Variants in CDON observed in about 807,000 individuals in gnomAD.
The protein encoded by CDON is cell adhesion molecule-related/down-regulated by oncogenes.
A neutral mutation model predicts 120.9 loss-of-function variants in CDON; 73 were observed. The ratio of observed to expected loss-of-function variants is 0.60; its 90% CI spans 0.50 to 0.73. The LOEUF is 0.73. CDON is among the 30% of genes least tolerant of loss of function. The pLI is 0.00. For missense variants in CDON, 1,470 were observed against 1,587.3 expected (o/e 0.93, Z 1.26); for synonymous variants, 566 against 573.5 (o/e 0.99, Z 0.19).
chr11:125,989,489 T>C, intron 15 of CDON, 148 bp downstream of exon 15: 2 of 751,464 alleles, frequency 2.7e-6, no homozygotes, highest in South Asian at 1.4e-5. Context: ...CGAGTTGAGA[T>C]TGTACCACTG....
chr11:126,044,338 CACTGTTA>C (rs1367357848), intron 1 of CDON, among the ~76,000 whole-genome samples: 1 of 152,086 alleles, frequency 6.6e-6, no homozygotes, highest in Non-Finnish European at 1.5e-5. Context: ...AAAACAAATT[CACTGTTA>C]ACAGACTACG....
intron 3 of CDON, 21 bp from the exon 4 acceptor site, chr11:126,019,786 GATAA>G (rs1273501548): frequency 5.6e-6 from 9 of 1,595,868 alleles, no homozygotes; most frequent in Non-Finnish European, 7.7e-6. Context: ...TAAGGAAACA[GATAA>G]ATAAATACAT....
chr11:125,987,869 T>C (rs539097253), intron 15 of CDON, among the ~76,000 whole-genome samples: 12 of 152,346 alleles, frequency 7.9e-5, no homozygotes, highest in African/African-American at 2.2e-4. Flanking sequence ...TGTTTAAATA[T>C]GGGCTTAAGA....
At chr11:125,989,149 G>A (rs1946554041) in intron 15 of CDON, among the ~76,000 whole-genome samples, 2 of 152,172 alleles carry the variant, frequency 1.3e-5, no homozygotes, top group South Asian at 4.1e-4. Flanking sequence ...TTTTAAACAA[G>A]CATTCTAGCC....
At position 126,023,447 on chromosome 11, in the gene CDON, T is replaced by C. The variant is rs1213511902; in HGVS notation, c.30A>G (p.Thr10=). The C allele has an allele frequency of 1.2e-6, 2 of 1,613,470 alleles. No homozygotes were observed. The highest frequency in any genetic ancestry group is 1.1e-5 in the South Asian group (1 of 91,064). The change falls in exon 2 of 20, where the codon ACA becomes ACG. Residue 10 remains threonine (T), a synonymous_variant. Coordinates refer to ENST00000531738, the MANE Select transcript of CDON (RefSeq NM_001378964.1). ...GAATTGTAAGAGTAACATACAGCAGTGTACATAAGGGTCCAAGATCCGGAT... is the reference window on the plus strand; with the variant it reads ...GAATTGTAAGAGTAACATACAGCAGCGTACATAAGGGTCCAAGATCCGGAT... MHPDLGPLC[T]LLYVTLTILC...
chr11:126,057,162 A>G (rs1227480034), intron 1 of CDON, among the ~76,000 whole-genome samples: 2 of 152,202 alleles, frequency 1.3e-5, no homozygotes, highest in Non-Finnish European at 2.9e-5. Context: ...TGTGAATAAA[A>G]ATGAGGTCAT....
intron 1 of CDON, among the ~76,000 whole-genome samples, chr11:126,043,766 G>A (rs1260168335): frequency 6.6e-6 from 1 of 152,170 alleles, no homozygotes; most frequent in Non-Finnish European, 1.5e-5. Context: ...TCACTTCAGT[G>A]TGAATCGATG....
upstream of CDON, among the ~76,000 whole-genome samples, chr11:126,063,031 C>T (rs1948844836): frequency 6.6e-6 from 1 of 151,598 alleles, no homozygotes; most frequent in Non-Finnish European, 1.5e-5. Context: ...CGGCCCGCAC[C>T]CGGCCGGAGT....
chr11:125,989,861 AC>A, intron 14 of CDON, 102 bp from the exon 15 acceptor site: 2 of 1,025,264 alleles, frequency 2.0e-6, no homozygotes, highest in Middle Eastern at 2.6e-4. Context: ...AGCATCCACT[AC>A]CATCCAGTAG....
rs146102637 is a variant in CDON, at chr11:125,959,042, T to C, written c.*1900A>G. On this transcript the variant is annotated 3_prime_UTR_variant, in exon 20 of 20. Transcript: ENST00000531738. ...CATGAAGAATAAATCCAGTATACTA[T>C]AGGCACGGACATCTGGAATGTAGAA... is the stretch of plus-strand genomic sequence containing the variant. The C allele has an allele frequency of 4.9e-4, 74 of 152,310 alleles. 1 individual carries two copies. The highest frequency in any genetic ancestry group is 1.7e-3 in the African/African-American group (72 of 41,570). 9.4% of individuals were successfully genotyped at this position (152,310 alleles called of 1,614,324 possible).
chr11:125,977,466 AATATCTAAACTCCCACCC>A (rs1351306878), intron 18 of CDON, among the ~76,000 whole-genome samples: 8 of 152,222 alleles, frequency 5.3e-5, no homozygotes, highest in Non-Finnish European at 1.0e-4. Flanking sequence ...TCAATAATAA[AATATCTAAACTCCCACCC>A]ATACTCCAGT....
intron 8 of CDON, among the ~76,000 whole-genome samples, chr11:126,008,167 T>C (rs1212924333): frequency 6.6e-6 from 1 of 152,062 alleles, no homozygotes. Context: ...CTACAAATAT[T>C]TGTACATCCA....
intron 1 of CDON, among the ~76,000 whole-genome samples, chr11:126,062,029 A>G (rs1948810463): frequency 6.6e-6 from 1 of 152,228 alleles, no homozygotes; most frequent in Non-Finnish European, 1.5e-5. Context: ...GCTGTAATGT[A>G]TTTAGCAAAT....
intron 1 of CDON, among the ~76,000 whole-genome samples, chr11:126,046,427 G>A (rs906280293): frequency 1.3e-5 from 2 of 152,140 alleles, no homozygotes; most frequent in Non-Finnish European, 2.9e-5. Flanking sequence ...AAGACCTGTA[G>A]ACCAGTGACA....
chr11:126,008,032 A>G (rs894821476), intron 8 of CDON, among the ~76,000 whole-genome samples: 1 of 152,220 alleles, frequency 6.6e-6, no homozygotes, highest in African/African-American at 2.4e-5. Context: ...TTAAACAGGG[A>G]GGGAGTACAA....
In CDON at chr11:126,015,836, C is replaced by T. The variant is rs77634170; in HGVS notation, c.929-326G>A. On this transcript the variant is annotated intron_variant, in intron 6 of 19. Coordinates refer to ENST00000531738, the MANE Select transcript of CDON (RefSeq NM_001378964.1). Reference sequence around the variant, plus strand: ...CTTAGCATTTATTTCAGGTGATTAGCTTGAAATACAGTAACAATTTCCCTG... The same window carrying T: ...CTTAGCATTTATTTCAGGTGATTAGTTTGAAATACAGTAACAATTTCCCTG... Among the ~76,000 whole-genome samples the T allele has an allele frequency of 0.1, 15,828 of 152,192 alleles. 860 individuals are homozygous for T. The highest frequency in any genetic ancestry group is 0.13 in the Admixed American group (1,926 of 15,288).
intron 18 of CDON, 135 bp downstream of exon 18, chr11:125,978,169 C>T: frequency 2.9e-6 from 2 of 700,518 alleles, no homozygotes; most frequent in Admixed American, 2.1e-5. Flanking sequence ...TTAGTAACAG[C>T]TTTAAATTTA....
At chr11:126,047,154 T>C (rs1303308534) in intron 1 of CDON, among the ~76,000 whole-genome samples, 2 of 152,094 alleles carry the variant, frequency 1.3e-5, no homozygotes, top group African/African-American at 2.4e-5. Flanking sequence ...TAAAGCTAGG[T>C]ATGAAGTACA....
intron 8 of CDON, among the ~76,000 whole-genome samples, chr11:126,008,293 G>C (rs1171402852): frequency 6.6e-6 from 1 of 152,078 alleles, no homozygotes; most frequent in Non-Finnish European, 1.5e-5. Context: ...GACTTGTCAG[G>C]ATGCTAGAAT....
Sources: allele counts gnomAD v4.1 joint callset (sites outside exome capture counted in the v4.1 genomes callset), GRCh38; gene constraint gnomAD v4.1.1; transcripts MANE v1.5; gene names NCBI Gene and HGNC (gene_info 2026-07-23, HGNC 2026-07-21).